GAS7: variants seen among roughly 807,000 people sequenced by gnomAD.
GAS7 encodes growth arrest specific 7.
A neutral mutation model predicts 71.1 loss-of-function variants in GAS7; 28 were observed. That is an observed-to-expected ratio of 0.39 (90% CI 0.29 to 0.54). The LOEUF is 0.54. GAS7 is among the 20% of genes least tolerant of loss of function. The pLI is 0.62. For missense variants in GAS7, 436 were observed against 627.8 expected, an observed-to-expected ratio of 0.69 and a Z score of 3.27; for synonymous variants, 258 against 245.8, an observed-to-expected ratio of 1.05 and a Z score of -0.46.
chr17:10,033,874 A>G (rs2072683185), intron 1 of GAS7, among the ~76,000 whole-genome samples: 1 of 152,194 alleles, frequency 6.6e-6, no homozygotes, highest in Non-Finnish European at 1.5e-5. Flanking sequence ...CCTGTGCTCC[A>G]AGTGATTCTA....
intron 1 of GAS7, among the ~76,000 whole-genome samples, chr17:10,109,004 A>T (rs56382550): frequency 6.6e-6 from 1 of 152,132 alleles, no homozygotes; most frequent in Non-Finnish European, 1.5e-5. Flanking sequence ...TTTACAAAGC[A>T]AAGGAAACAG....
intron 1 of GAS7, among the ~76,000 whole-genome samples, chr17:10,129,562 A>G (rs1385147904): frequency 6.6e-6 from 1 of 152,192 alleles, no homozygotes; most frequent in Non-Finnish European, 1.5e-5. Flanking sequence ...TCTTCAAAAA[A>G]ATAGGTGTAA....
At chr17:10,158,951 G>C (rs1217863287) in intron 1 of GAS7, among the ~76,000 whole-genome samples, 1 of 150,102 alleles carries the variant, frequency 6.7e-6, no homozygotes, top group Non-Finnish European at 1.5e-5. Context: ...CAGATACTCG[G>C]GAGGCTGAGG....
intron 3 of GAS7, among the ~76,000 whole-genome samples, chr17:9,971,753 A>C (rs2069973213): frequency 6.6e-6 from 1 of 152,224 alleles, no homozygotes; most frequent in East Asian, 1.9e-4. Context: ...GAAGATCTAC[A>C]CACTGATGTC....
At chr17:10,145,792 C>A (rs2074116776) in intron 1 of GAS7, among the ~76,000 whole-genome samples, 1 of 152,186 alleles carries the variant, frequency 6.6e-6, no homozygotes, top group African/African-American at 2.4e-5. Context: ...TTCTAAGACC[C>A]CCCCAGAAAT....
At chr17:10,120,010 A>G (rs906391410) in intron 1 of GAS7, among the ~76,000 whole-genome samples, 38 of 152,194 alleles carry the variant, frequency 2.5e-4, no homozygotes, top group African/African-American at 9.2e-4. Flanking sequence ...CGCTTTCGGA[A>G]GTGCTAACCA....
At chr17:10,059,655 A>G in intron 1 of GAS7, 3 of 981,428 alleles carry the variant, frequency 3.1e-6, no homozygotes, top group Non-Finnish European at 3.6e-6. Context: ...GAGCATCTGC[A>G]TCAAAGATAA....
intron 3 of GAS7, among the ~76,000 whole-genome samples, chr17:9,970,392 G>A (rs2069910953): frequency 1.3e-5 from 2 of 152,158 alleles, no homozygotes; most frequent in African/African-American, 2.4e-5. Context: ...AACTTTGTGA[G>A]GCCGAGGTGG....
intron 1 of GAS7, among the ~76,000 whole-genome samples, chr17:10,181,147 G>A (rs936252780): frequency 1.4e-5 from 2 of 146,602 alleles, no homozygotes; most frequent in South Asian, 2.3e-4. Flanking sequence ...ACATCACGAG[G>A]TCAGGAGATC....
chr17:9,966,415 G>C (rs1039923488), intron 4 of GAS7, among the ~76,000 whole-genome samples: 1 of 152,098 alleles, frequency 6.6e-6, no homozygotes, highest in Non-Finnish European at 1.5e-5. Flanking sequence ...TCTAGGTTTC[G>C]TCACTGTAAC....
At chr17:10,163,407 C>T (rs1386592998) in intron 1 of GAS7, among the ~76,000 whole-genome samples, 7 of 145,942 alleles carry the variant, frequency 4.8e-5, no homozygotes, top group Non-Finnish European at 1.0e-4. Flanking sequence ...ATTACAGGCA[C>T]GAGCCACCAG....
At chr17:10,125,379 T>G (rs1157544332) in intron 1 of GAS7, among the ~76,000 whole-genome samples, 2 of 151,790 alleles carry the variant, frequency 1.3e-5, no homozygotes, top group Non-Finnish European at 2.9e-5. Context: ...TAGCTGGGTG[T>G]GATGGTGTGC....
rs1489074110 is a variant in GAS7, at chr17:10,059,331, TGAG to T, written c.184-39437_184-39435del. ...ACTGGGGAATTAAGAAAAGGCAAACTGAGGAGGAGAAGATCCAAAACAGGAAAC... is the reference window on the plus strand; with the variant it reads ...ACTGGGGAATTAAGAAAAGGCAAACTGAGGAGAAGATCCAAAACAGGAAAC... On this transcript the variant is annotated intron_variant, in intron 1 of 13. Transcript: ENST00000432992. Among the ~76,000 whole-genome samples, 6 of 152,252 alleles carry T rather than the reference TGAG, an allele frequency of 3.9e-5. No individual in the cohort carries two copies. The East Asian group carries it at 5.8e-4, about 15-fold the overall frequency.
chr17:10,145,410 G>C (rs1296404208), intron 1 of GAS7, among the ~76,000 whole-genome samples: 2 of 152,226 alleles, frequency 1.3e-5, no homozygotes, highest in Admixed American at 6.5e-5. Context: ...CAGTGTGTAA[G>C]ACCCGAAGAG....
At position 10,015,110 on chromosome 17, in the gene GAS7, G is replaced by A. The variant is rs1008964341; in HGVS notation, c.304+4667C>T. ...GCGGAGGTTTCAGTGAGCCGAGATCGCACCACTGCACTCCAGTCTGGCGAC... is the reference window on the plus strand; with the variant it reads ...GCGGAGGTTTCAGTGAGCCGAGATCACACCACTGCACTCCAGTCTGGCGAC... On this transcript the variant is annotated intron_variant, in intron 2 of 13. Coordinates refer to ENST00000432992, the MANE Select transcript of GAS7 (RefSeq NM_201433.2). 7.3e-5 allele frequency among the ~76,000 whole-genome samples: 11 copies of A among 151,642 alleles called. No individual in the cohort carries two copies. The South Asian group carries it at 8.3e-4, about 11-fold the overall frequency.
At chr17:10,123,723 G>A (rs12602446) in intron 1 of GAS7, among the ~76,000 whole-genome samples, 41,844 of 152,106 alleles carry the variant, frequency 0.28, 6,156 homozygotes, top group East Asian at 0.56. Context: ...CATTCTGCCC[G>A]TCCAGGAATA....
intron 1 of GAS7, among the ~76,000 whole-genome samples, chr17:10,023,207 T>A (rs998455326): frequency 2.6e-5 from 4 of 152,096 alleles, no homozygotes; most frequent in African/African-American, 4.8e-5. Context: ...GGTCTCCACA[T>A]CTCCCTCCTG....
intron 1 of GAS7, among the ~76,000 whole-genome samples, chr17:10,087,812 G>C (rs557340457): frequency 6.6e-6 from 1 of 152,028 alleles, no homozygotes; most frequent in Non-Finnish European, 1.5e-5. Context: ...GAAAGTAAGC[G>C]AAAATAAGGA....
chr17:9,945,688 C>T (rs920340126), intron 6 of GAS7, among the ~76,000 whole-genome samples: 4 of 151,356 alleles, frequency 2.6e-5, no homozygotes, highest in Non-Finnish European at 4.4e-5. Flanking sequence ...GTAGATAATC[C>T]GGCTGGGCAC....
Sources: gnomAD v4.1 joint callset for allele counts (sites outside exome capture counted in the v4.1 genomes callset) on GRCh38, gnomAD v4.1.1 for gene constraint, MANE v1.5 for transcripts, NCBI Gene and HGNC (gene_info 2026-07-23, HGNC 2026-07-21) for gene names.